PTPRM: variants seen among roughly 807,000 people sequenced by gnomAD.
The protein encoded by PTPRM is receptor-type tyrosine-protein phosphatase mu.
In PTPRM, 47 loss-of-function variants were observed where a neutral mutation model predicts 186.7. That is an observed-to-expected ratio of 0.25 (90% CI 0.20 to 0.32). The LOEUF (loss-of-function observed/expected upper bound fraction) is 0.32, where lower values mean the gene tolerates loss of function less well. Ranked by LOEUF, PTPRM falls within the 10% of genes least tolerant of loss-of-function variation. The pLI is 1.00. For missense variants in PTPRM, 1,494 were observed against 1,865.0 expected, an observed-to-expected ratio of 0.80 and a Z score of 3.66; for synonymous variants, 668 against 674.9, an observed-to-expected ratio of 0.99 and a Z score of 0.16.
chr18:8,322,839 A>C (rs1296179591), intron 22 of PTPRM, among the ~76,000 whole-genome samples: 1 of 152,066 alleles, frequency 6.6e-6, no homozygotes, highest in Non-Finnish European at 1.5e-5. Flanking sequence ...TTTTGTTTAG[A>C]GACATGATTT....
At chr18:8,042,783 T>C (rs1442857383) in intron 7 of PTPRM, among the ~76,000 whole-genome samples, 1 of 152,164 alleles carries the variant, frequency 6.6e-6, no homozygotes. Flanking sequence ...TTTGGGTGTC[T>C]TTTTCCTGTC....
chr18:7,823,419 C>T (rs779697351), intron 2 of PTPRM, among the ~76,000 whole-genome samples: 1 of 152,130 alleles, frequency 6.6e-6, no homozygotes, highest in Non-Finnish European at 1.5e-5. Flanking sequence ...ATAAATTTAG[C>T]CTTGGTGTGA....
intron 3 of PTPRM, among the ~76,000 whole-genome samples, chr18:7,905,353 G>A (rs1034735324): frequency 1.2e-4 from 19 of 152,064 alleles, no homozygotes; most frequent in African/African-American, 2.7e-4. Flanking sequence ...AAAAAACTCC[G>A]CCATTCTTAG....
intron 14 of PTPRM, among the ~76,000 whole-genome samples, chr18:8,240,457 G>A (rs1312308056): frequency 1.3e-5 from 1 of 74,426 alleles, no homozygotes; most frequent in East Asian, 3.1e-4. Flanking sequence ...GAGAGAGAGA[G>A]AGAGAGAGGG....
At chr18:8,347,903 C>A (rs16953340) in intron 23 of PTPRM, among the ~76,000 whole-genome samples, 2 of 152,134 alleles carry the variant, frequency 1.3e-5, no homozygotes, top group East Asian at 3.9e-4. Flanking sequence ...TTGGATGGGC[C>A]TGACTTTAGT....
intron 1 of PTPRM, among the ~76,000 whole-genome samples, chr18:7,662,934 A>C (rs1190508718): frequency 6.6e-6 from 1 of 152,232 alleles, no homozygotes; most frequent in Non-Finnish European, 1.5e-5. Flanking sequence ...CCATGTCTTC[A>C]TCATGTTTGC....
At chr18:8,233,888 A>G (rs1407864747) in intron 14 of PTPRM, among the ~76,000 whole-genome samples, 4 of 152,116 alleles carry the variant, frequency 2.6e-5, no homozygotes, top group Non-Finnish European at 5.9e-5. Flanking sequence ...TTCCACCACC[A>G]TTTGTTGTCC....
chr18:7,777,406 T>C (rs1361421087), intron 2 of PTPRM, among the ~76,000 whole-genome samples: 2 of 152,210 alleles, frequency 1.3e-5, no homozygotes, highest in Non-Finnish European at 2.9e-5. Context: ...CAAGTTTTAC[T>C]GACACACAGC....
chr18:7,900,395 G>A (rs1232728691), intron 3 of PTPRM, among the ~76,000 whole-genome samples: 1 of 152,172 alleles, frequency 6.6e-6, no homozygotes, highest in Non-Finnish European at 1.5e-5. Flanking sequence ...AACAGGTGGT[G>A]GGACAGATTT....
At chr18:7,984,856 C>T (rs867880013) in intron 7 of PTPRM, among the ~76,000 whole-genome samples, 54 of 120,598 alleles carry the variant, frequency 4.5e-4, no homozygotes, top group African/African-American at 1.2e-3. Context: ...AAATTATATA[C>T]ACATATATAA....
intron 13 of PTPRM, among the ~76,000 whole-genome samples, chr18:8,132,014 C>T (rs903582811): frequency 1.3e-5 from 2 of 152,112 alleles, no homozygotes; most frequent in African/African-American, 2.4e-5. Flanking sequence ...GTGTAATTTA[C>T]TTATTGGTGT....
intron 23 of PTPRM, among the ~76,000 whole-genome samples, chr18:8,368,466 G>C (rs1432405734): frequency 2.0e-5 from 3 of 152,082 alleles, no homozygotes; most frequent in African/African-American, 7.2e-5. Context: ...AATGAGGGGG[G>C]AAAAGATTCC....
chr18:7,989,372 G>T (rs2083139687), intron 7 of PTPRM, among the ~76,000 whole-genome samples: 1 of 151,980 alleles, frequency 6.6e-6, no homozygotes, highest in Non-Finnish European at 1.5e-5. Flanking sequence ...CCACCATCTT[G>T]GTTCATCTTA....
intron 1 of PTPRM, among the ~76,000 whole-genome samples, chr18:7,653,136 A>G (rs1269586004): frequency 2.0e-5 from 3 of 149,260 alleles, no homozygotes; most frequent in Non-Finnish European, 4.4e-5. Context: ...TATTATTATT[A>G]TTATTATTAT....
chr18:7,678,004 G>A (rs989062890), intron 1 of PTPRM, among the ~76,000 whole-genome samples: 4 of 152,088 alleles, frequency 2.6e-5, no homozygotes, highest in African/African-American at 7.2e-5. Flanking sequence ...CTGAGTGTAT[G>A]GCAGGCACTT....
chr18:7,832,071 A>G (rs1457776462), intron 2 of PTPRM, among the ~76,000 whole-genome samples: 1 of 152,168 alleles, frequency 6.6e-6, no homozygotes. Flanking sequence ...TGTTGTCAGG[A>G]GTGCTGCAAC....
At chr18:7,989,471 G>A (rs1466947559) in intron 7 of PTPRM, among the ~76,000 whole-genome samples, 1 of 152,132 alleles carries the variant, frequency 6.6e-6, no homozygotes, top group Non-Finnish European at 1.5e-5. Context: ...GGACGTGTAA[G>A]CATAATAAGA....
intron 7 of PTPRM, among the ~76,000 whole-genome samples, chr18:8,024,812 T>C (rs2085466542): frequency 6.6e-6 from 1 of 150,898 alleles, no homozygotes; most frequent in African/African-American, 2.4e-5. Context: ...GCCCCCCAAG[T>C]AGCTGGTACT....
rs371418278 is a variant in PTPRM, at chr18:7,599,116, GAGA to G, written c.73+31231_73+31233del. On this transcript the variant is annotated intron_variant, in intron 1 of 32. Coordinates refer to ENST00000580170, the MANE Select transcript of PTPRM (RefSeq NM_001105244.2). ...AGAGGAATTTAACTCAGCTGTTGTT[GAGA>G]AGAAGTAATTCTTCAGTCACTACTG... Among the ~76,000 whole-genome samples, 5 of 152,178 alleles carry G rather than the reference GAGA, an allele frequency of 3.3e-5. No homozygotes were observed. In the South Asian group the frequency reaches 6.2e-4, roughly 19 times the overall value.
Sources: allele counts gnomAD v4.1 joint callset (sites outside exome capture counted in the v4.1 genomes callset), GRCh38; gene constraint gnomAD v4.1.1; transcripts MANE v1.5; gene names NCBI Gene and HGNC (gene_info 2026-07-23, HGNC 2026-07-21).